The following DIS3 variants were observed in gnomAD, a reference collection of about 807,000 sequenced individuals.
DIS3 encodes exosome complex exonuclease RRP44.
In DIS3, 103 loss-of-function variants were observed where a neutral mutation model predicts 113.0. The observed-to-expected ratio is 0.91, with a 90% CI of 0.78 to 1.07. The LOEUF is 1.07. DIS3 is among the 50% of genes least tolerant of loss of function. The pLI is 0.00. For synonymous variants in DIS3, 402 were observed against 394.3 expected (o/e 1.02, Z -0.23); for missense variants, 1,121 against 1,167.1 (o/e 0.96, Z 0.58).
intron 14 of DIS3, among the ~76,000 whole-genome samples, chr13:72,767,160 T>C (rs1030598916): frequency 6.6e-6 from 1 of 152,172 alleles, no homozygotes; most frequent in African/African-American, 2.4e-5. Flanking sequence ...AAAGACGGTT[T>C]TTTTTTCTGA....
chr13:72,770,915 T>G lies in DIS3; in HGVS notation c.1744A>C (p.Ile582Leu). ...ILKTKFTKSV[I>L]NSKASLTYAE... ...GCCATGAAACGAACCTTTGAATTAA[T>G]AACACTTTTGGTAAACTTCGTTTTT... Residue 582 changes from isoleucine (I) to leucine (L), a missense_variant, in exon 13 of 21, where the codon ATT becomes CTT. Physicochemically the swap from Ile to Leu is conservative, Grantham distance 5 (BLOSUM62 2). Around this residue, in one of 3 missense-constraint regions of DIS3, gnomAD observed 861 missense variants for 915.5 expected, o/e 0.94. Coordinates refer to ENST00000377767, the MANE Select transcript of DIS3 (RefSeq NM_014953.5). 6.2e-7 allele frequency: 1 copy of G among 1,601,336 alleles called. No homozygotes were observed. The highest frequency in any genetic ancestry group is 8.5e-7 in the Non-Finnish European group (1 of 1,173,122).
At chr13:72,777,554 G>C (rs1052447839) in intron 3 of DIS3, 61 bp from the exon 4 acceptor site, 4 of 1,416,740 alleles carry the variant, frequency 2.8e-6, no homozygotes, top group Admixed American at 1.7e-5. Context: ...TGAAAAAAAT[G>C]GATAGTCTTG....
Position 72,768,768 on chromosome 13 carries a change from T to C in DIS3, c.1883+17A>G. On this transcript the variant is annotated intron_variant, in intron 14 of 20. Coordinates refer to ENST00000377767, the MANE Select transcript of DIS3 (RefSeq NM_014953.5). ...GAGTATAAAAATTATCTTAATACTA[T>C]GAAAAACAAAATATACCCTTTTTCA... 1 of 1,573,370 alleles carries C rather than the reference T, an allele frequency of 6.4e-7. No individual in the cohort carries two copies. Among genetic ancestry groups the C allele is most frequent in the South Asian group, 1.2e-5 (1 of 86,312 alleles).
chr13:72,759,088 T>C lies in DIS3; in HGVS notation c.*707A>G, dbSNP rs2033562827. 1 of 180,090 alleles carries C rather than the reference T, an allele frequency of 5.6e-6. No individual in the cohort carries two copies. The highest frequency in any genetic ancestry group is 1.2e-5 in the Non-Finnish European group (1 of 84,224). The allele number at this position is 180,090 out of a possible 1,614,324, so 11.2% of individuals were successfully genotyped here. On this transcript the variant is annotated 3_prime_UTR_variant, in exon 21 of 21. Coordinates refer to ENST00000377767, the MANE Select transcript of DIS3 (RefSeq NM_014953.5). ...GTTTTTTATTTTGTAAGTAACAAGATATAGACATTTGAATGCCAATGTCTT... is the reference window on the plus strand; with the variant it reads ...GTTTTTTATTTTGTAAGTAACAAGACATAGACATTTGAATGCCAATGTCTT...
rs141022568 is a variant in DIS3, at chr13:72,761,791, C to T, written c.2366G>A (p.Arg789Gln). 4.3e-6 allele frequency: 7 copies of T among 1,612,998 alleles called. No homozygotes were observed. Among genetic ancestry groups the T allele is most frequent in the Admixed American group, 3.3e-5 (2 of 59,824 alleles). Residue 789 changes from arginine (R) to glutamine (Q), a missense_variant, in exon 18 of 21, where the codon CGG becomes CAG. Around this residue, in one of 3 missense-constraint regions of DIS3, gnomAD observed 861 missense variants for 915.5 expected, o/e 0.94. Transcript: ENST00000377767. ...AGCCCCAATAGCCACAGCCAAAAGC[C>T]GATGAACAATGACATCTGCGTATCT... ...IRRYADVIVH[R>Q]LLAVAIGADC... is the part of the protein sequence containing the mutation.
rs746816240 is a variant in DIS3 at position 72,755,166 on chromosome 13, CAGAGGTGTTGGATG to C, written c.*4615_*4628del. On this transcript the variant is annotated 3_prime_UTR_variant, in exon 21 of 21. Coordinates refer to ENST00000377767, the MANE Select transcript of DIS3 (RefSeq NM_014953.5). Reference sequence around the variant, plus strand: ...TTTTTCACAGCAAGACCACACAACACAGAGGTGTTGGATGAAAACAGCAAGCCCTTTTCAATGCA... The same window carrying C: ...TTTTTCACAGCAAGACCACACAACACAAAACAGCAAGCCCTTTTCAATGCA... 17 of 1,613,722 alleles carry C rather than the reference CAGAGGTGTTGGATG, an allele frequency of 1.1e-5. No homozygotes were observed. The highest frequency in any genetic ancestry group is 1.4e-5 in the Non-Finnish European group (16 of 1,179,890).
rs1190982171 is a variant in DIS3 at position 72,757,122 on chromosome 13, A to C, written c.*2673T>G. 6.6e-6 allele frequency: 1 copy of C among 152,250 alleles called. No individual in the cohort carries two copies. The highest frequency in any genetic ancestry group is 1.5e-5 in the Non-Finnish European group (1 of 68,058). The allele number at this position is 152,250 out of a possible 1,614,324, so 9.4% of individuals were successfully genotyped here. A position where few individuals can be genotyped will look rare whatever the true frequency, so the allele number is the denominator to read the frequency against. On this transcript the variant is annotated 3_prime_UTR_variant, in exon 21 of 21. Coordinates refer to ENST00000377767, the MANE Select transcript of DIS3 (RefSeq NM_014953.5). ...CTACTCAATTGGGACTTATCCCTGA[A>C]TTAAACCTTTCTAGTAGCTGAAGCA...
Position 72,757,716 on chromosome 13 carries a change from C to A in DIS3, c.*2079G>T. 1 of 185,814 alleles carries A rather than the reference C, an allele frequency of 5.4e-6. No individual in the cohort carries two copies. Among genetic ancestry groups the A allele is most frequent in the Admixed American group, 6.2e-5 (1 of 16,110 alleles). 11.5% of individuals were successfully genotyped at this position (185,814 alleles called of 1,614,324 possible). ...TGCTAGGATTACAGGCATGAGCCAC[C>A]GCACCTAGCCGGCAAACTTTTTTAA... On this transcript the variant is annotated 3_prime_UTR_variant, in exon 21 of 21. Transcript: ENST00000377767.
chr13:72,760,109 GA>G (rs1488880677), intron 20 of DIS3, among the ~76,000 whole-genome samples: 3 of 152,152 alleles, frequency 2.0e-5, no homozygotes, highest in Admixed American at 1.3e-4. Context: ...TGTCATTTAG[GA>G]AGTGTTCTTT....
intron 14 of DIS3, among the ~76,000 whole-genome samples, chr13:72,767,847 G>A (rs1385617806): frequency 1.3e-5 from 2 of 152,192 alleles, no homozygotes; most frequent in East Asian, 3.8e-4. Context: ...AGAGGGGCTT[G>A]GGAACTCTGA....
At position 72,752,330 on chromosome 13, in the gene DIS3, T is replaced by C. The variant is rs150714812; in HGVS notation, c.*7465A>G. 1 of 152,356 alleles carries C rather than the reference T, an allele frequency of 6.6e-6. No homozygotes were observed. The highest frequency in any genetic ancestry group is 1.5e-5 in the Non-Finnish European group (1 of 68,050). The allele number at this position is 152,356 out of a possible 1,614,324, so 9.4% of individuals were successfully genotyped here. On this transcript the variant is annotated 3_prime_UTR_variant, in exon 21 of 21. Transcript: ENST00000377767. ...TGCCTGTGGGGGATAACAAGGTATC[T>C]GTTGCCTGGTTGGTACATATTAGGC...
chr13:72,769,687 T>G (rs2033840801), intron 13 of DIS3, among the ~76,000 whole-genome samples: 1 of 152,182 alleles, frequency 6.6e-6, no homozygotes, highest in South Asian at 2.1e-4. Context: ...ATAATTTTGT[T>G]ATACTGACCA....
In DIS3 at chr13:72,773,960, AC is replaced by A. The variant is rs750427701; in HGVS notation, c.1086del (p.Lys362AsnfsTer24). Reference sequence around the variant, plus strand: ...TCTTTACTCACCTCCTTAATGTCAGACTTGGAAAGCATGCCACAATATGGTC... The same window carrying A: ...TCTTTACTCACCTCCTTAATGTCAGATTGGAAAGCATGCCACAATATGGTC... ...NWRPYCGMLS[K>X]SDIKESRRHL... On this transcript the variant is annotated frameshift_variant, in exon 7 of 21. Transcript: ENST00000377767. LOFTEE classifies it high-confidence loss of function. 9.3e-6 allele frequency: 15 copies of A among 1,609,280 alleles called. No individual in the cohort carries two copies. The highest frequency in any genetic ancestry group is 4.0e-5 in the African/African-American group (3 of 74,544).
intron 2 of DIS3, among the ~76,000 whole-genome samples, 166 bp from the exon 3 acceptor site, chr13:72,778,546 A>G (rs1440715622): frequency 6.6e-6 from 1 of 152,216 alleles, no homozygotes; most frequent in Non-Finnish European, 1.5e-5. Context: ...CAAGATTCTT[A>G]TAATTAAGTT....
chr13:72,756,178 T>TAATTC lies in DIS3; in HGVS notation c.*3616_*3617insGAATT. ...AAAAACTGTCTCATTCAAAAGGGAATAAAGACCTGTGTTATCAATGTGTCA... is the reference window on the plus strand; with the variant it reads ...AAAAACTGTCTCATTCAAAAGGGAATAATTCAAAGACCTGTGTTATCAATGTGTCA... On this transcript the variant is annotated 3_prime_UTR_variant, in exon 21 of 21. Coordinates refer to ENST00000377767, the MANE Select transcript of DIS3 (RefSeq NM_014953.5). 2.7e-6 allele frequency: 1 copy of TAATTC among 365,622 alleles called. No homozygotes were observed. The highest frequency in any genetic ancestry group is 4.8e-6 in the Non-Finnish European group (1 of 206,392). 22.6% of individuals were successfully genotyped at this position (365,622 alleles called of 1,614,324 possible).
Position 72,760,860 on chromosome 13 carries a change from CTAATATA to C in DIS3, c.2671-216_2671-210del, listed in dbSNP as rs538603986. 5.9e-4 allele frequency among the ~76,000 whole-genome samples: 90 copies of C among 152,124 alleles called. 1 individual carries two copies. Among genetic ancestry groups the C allele is most frequent in the Admixed American group, 3.6e-3 (55 of 15,272 alleles). ...TACTTTCTCCTTCATTAAGGTATTT[CTAATATA>C]TATGTTCATTAAATTCTTGGTGATT... On this transcript the variant is annotated intron_variant, in intron 19 of 20. Transcript: ENST00000377767.
chr13:72,756,485 G>C lies in DIS3; in HGVS notation c.*3310C>G, dbSNP rs1487751899. ...AGTTTTTTAATAGTACAAAAGTCAA[G>C]AAATAACACAATAGTGACTATAACC... On this transcript the variant is annotated 3_prime_UTR_variant, in exon 21 of 21. Transcript: ENST00000377767. The C allele has an allele frequency of 6.6e-6, 1 of 152,182 alleles. No individual in the cohort carries two copies. Among genetic ancestry groups the C allele is most frequent in the African/African-American group, 2.4e-5 (1 of 41,438 alleles). The allele number at this position is 152,182 out of a possible 1,614,324, so 9.4% of individuals were successfully genotyped here. A position where few individuals can be genotyped will look rare whatever the true frequency, so the allele number is the denominator to read the frequency against.
intron 2 of DIS3, among the ~76,000 whole-genome samples, chr13:72,780,325 C>CAAAAAAA (rs397851597): frequency 2.7e-4 from 15 of 55,378 alleles, no homozygotes; most frequent in Non-Finnish European, 3.1e-4. Flanking sequence ...GACTCCATCT[C>CAAAAAAA]AAAAAAAAAA....
intron 6 of DIS3, 53 bp downstream of exon 6, chr13:72,775,158 T>C (rs893153097): frequency 1.3e-5 from 19 of 1,492,336 alleles, no homozygotes; most frequent in Non-Finnish European, 1.6e-5. Context: ...AAAGCTGACA[T>C]ATTAATAATA....
Sources: allele counts gnomAD v4.1 joint callset (sites outside exome capture counted in the v4.1 genomes callset), GRCh38; gene constraint gnomAD v4.1.1; regional missense constraint gnomAD v4.1.1; transcripts MANE v1.5; gene names NCBI Gene and HGNC (gene_info 2026-07-23, HGNC 2026-07-21).